DUSP18: variants seen among roughly 807,000 people sequenced by gnomAD.
DUSP18 encodes dual specificity protein phosphatase 18.
A neutral mutation model predicts 6.3 loss-of-function variants in DUSP18; 4 were observed. The observed-to-expected ratio is 0.63, with a 90% CI of 0.31 to 1.45. The LOEUF (loss-of-function observed/expected upper bound fraction) is 1.45, where lower values mean the gene tolerates loss of function less well. DUSP18 is among the 40% of genes most tolerant of loss of function. The probability of loss-of-function intolerance (pLI) is 0.07; values close to 1 mark genes in which losing one functional copy is unlikely to be tolerated. For missense variants in DUSP18, 235 were observed against 247.7 expected, an observed-to-expected ratio of 0.95 and a Z score of 0.34; for synonymous variants, 96 against 95.1, an observed-to-expected ratio of 1.01 and a Z score of -0.05.
At position 30,664,015 on chromosome 22, in the gene DUSP18, G is replaced by A; in HGVS notation, c.-12C>T. 5.6e-6 allele frequency: 9 copies of A among 1,606,474 alleles called. No individual in the cohort carries two copies. Among genetic ancestry groups the A allele is most frequent in the African/African-American group, 1.3e-5 (1 of 74,932 alleles). On this transcript the variant is annotated 5_prime_UTR_variant, in exon 2 of 2. Coordinates refer to ENST00000334679, the MANE Select transcript of DUSP18 (RefSeq NM_152511.5). Reference sequence around the variant, plus strand: ...GAGGGTGCTGTCATCAAGGCGGTGGGTCAGTGGTCAGCAGTCAGCGAAGCA... The same window carrying A: ...GAGGGTGCTGTCATCAAGGCGGTGGATCAGTGGTCAGCAGTCAGCGAAGCA...
At chr22:30,655,293 G>A (rs1478560271) in intron 2 of DUSP18, among the ~76,000 whole-genome samples, 2 of 141,474 alleles carry the variant, frequency 1.4e-5, no homozygotes, top group African/African-American at 5.1e-5. Context: ...CTGTCTCTAC[G>A]GAAAAAAAAA....
chr22:30,665,243 G>A (rs2088606044), intron 1 of DUSP18: 1 of 184,250 alleles, frequency 5.4e-6, no homozygotes, highest in South Asian at 9.5e-5. Flanking sequence ...CCAAAGTTTT[G>A]TTTCCCTGCT....
intron 2 of DUSP18, chr22:30,654,845 TA>T (rs1198807504): frequency 1.1e-5 from 2 of 185,542 alleles, no homozygotes; most frequent in Non-Finnish European, 2.2e-5. Context: ...AGGAGTTCCC[TA>T]TTTTTAGATG....
Position 30,663,325 on chromosome 22 carries a change from T to A in DUSP18, c.*112A>T, listed in dbSNP as rs1263806179. The A allele has an allele frequency of 1.1e-5, 12 of 1,061,304 alleles. No homozygotes were observed. Among genetic ancestry groups the A allele is most frequent in the Non-Finnish European group, 1.1e-5 (8 of 735,874 alleles). 65.7% of individuals were successfully genotyped at this position (1,061,304 alleles called of 1,614,324 possible). ...CTCTTTTTTGTGCTCATAAAAGGCA[T>A]CATCTGTTTTTTTCTGTATCAACAA... is the stretch of plus-strand genomic sequence containing the variant. On this transcript the variant is annotated 3_prime_UTR_variant, in exon 2 of 2. Coordinates refer to ENST00000334679, the MANE Select transcript of DUSP18 (RefSeq NM_152511.5).
At chr22:30,654,487 G>A in intron 2 of DUSP18, 1 of 431,456 alleles carries the variant, frequency 2.3e-6, no homozygotes, top group East Asian at 7.1e-5. Context: ...AGGGTGGTGG[G>A]ATGCCGTTAA....
At chr22:30,652,976 GTGAT>G (rs1445748001) in intron 2 of DUSP18, among the ~76,000 whole-genome samples, 2 of 152,212 alleles carry the variant, frequency 1.3e-5, no homozygotes, top group African/African-American at 2.4e-5. Flanking sequence ...TATTGAATGA[GTGAT>G]TGAGGACGTG....
At chr22:30,665,278 T>C (rs1378323816) in intron 1 of DUSP18, among the ~76,000 whole-genome samples, 1 of 152,242 alleles carries the variant, frequency 6.6e-6, no homozygotes, top group East Asian at 1.9e-4. Flanking sequence ...GGCTATCCAC[T>C]GTGAGGATAA....
At chr22:30,660,130 G>A (rs2088428053), downstream of DUSP18, among the ~76,000 whole-genome samples, 1 of 152,216 alleles carries the variant, frequency 6.6e-6, no homozygotes, top group African/African-American at 2.4e-5. Context: ...CGTATGAAAC[G>A]TGATTTGGAC....
chr22:30,665,517 A>G (rs758780059), intron 1 of DUSP18: 7 of 471,056 alleles, frequency 1.5e-5, no homozygotes, highest in Non-Finnish European at 3.1e-5. Context: ...CATTCAGCAG[A>G]GGACTGCAGA....
At chr22:30,655,872 C>A (rs1298468803) in intron 2 of DUSP18, among the ~76,000 whole-genome samples, 2 of 152,006 alleles carry the variant, frequency 1.3e-5, no homozygotes, top group African/African-American at 4.8e-5. Context: ...ACATTCCTCC[C>A]AAGCTCCTTC....
downstream of DUSP18, among the ~76,000 whole-genome samples, chr22:30,658,057 T>C (rs1602095036): frequency 1.3e-5 from 2 of 151,454 alleles, no homozygotes; most frequent in Admixed American, 6.6e-5. Context: ...CAGTGGGCGG[T>C]GATCACACCA....
At chr22:30,658,039 T>G (rs550775401), downstream of DUSP18, among the ~76,000 whole-genome samples, 31 of 151,564 alleles carry the variant, frequency 2.0e-4, no homozygotes, top group South Asian at 3.5e-3. Context: ...GCTGGGAGTT[T>G]GAGGCTGCAG....
At chr22:30,664,360 G>A (rs1329109969) in intron 1 of DUSP18, among the ~76,000 whole-genome samples, 3 of 152,228 alleles carry the variant, frequency 2.0e-5, no homozygotes, top group Non-Finnish European at 4.4e-5. Flanking sequence ...AAGTCCCCAA[G>A]TCTGGCACTT....
Position 30,663,686 on chromosome 22 carries a change from A to G in DUSP18, c.318T>C (p.Ala106=), listed in dbSNP as rs889237064. 6.2e-7 allele frequency: 1 copy of G among 1,614,254 alleles called. No homozygotes were observed. Among genetic ancestry groups the G allele is most frequent in the African/African-American group, 1.3e-5 (1 of 75,068 alleles). Residue 106 remains alanine, a synonymous_variant, in exon 2 of 2, where the codon GCT becomes GCC. Coordinates refer to ENST00000334679, the MANE Select transcript of DUSP18 (RefSeq NM_152511.5). ...ACAGGGCAGCTGAGCGGCTCACACC[A>G]GCAGCACAGTGCAGCAAAGTACGGC... ...KQGRTLLHCA[A]GVSRSAALCL...
At chr22:30,659,123 C>CAAAAAAAAA (rs35939188), downstream of DUSP18, among the ~76,000 whole-genome samples, 3 of 104,748 alleles carry the variant, frequency 2.9e-5, no homozygotes, top group Middle Eastern at 4.4e-3. Flanking sequence ...GACTCCATCT[C>CAAAAAAAAA]AAAAAAAAAA....
In DUSP18 at chr22:30,663,378, G is replaced by T; in HGVS notation, c.*59C>A. The T allele has an allele frequency of 6.7e-7, 1 of 1,488,548 alleles. No individual in the cohort carries two copies. The highest frequency in any genetic ancestry group is 9.1e-7 in the Non-Finnish European group (1 of 1,096,760). The allele number at this position is 1,488,548 out of a possible 1,614,324, so 92.2% of individuals were successfully genotyped here. A position where few individuals can be genotyped will look rare whatever the true frequency, so the allele number is the denominator to read the frequency against. The stretch of plus-strand genomic sequence containing the variant: ...GTAGAATGTTCAAGTTTGGATCTTG[G>T]TGTAAGATCAACAATAGATCTGTAC... On this transcript the variant is annotated 3_prime_UTR_variant, in exon 2 of 2. Transcript: ENST00000334679.
downstream of DUSP18, among the ~76,000 whole-genome samples, chr22:30,660,320 T>C (rs2088431966): frequency 6.6e-6 from 1 of 151,808 alleles, no homozygotes; most frequent in Non-Finnish European, 1.5e-5. Flanking sequence ...AATTTTTTTT[T>C]TGAAACACAG....
downstream of DUSP18, among the ~76,000 whole-genome samples, chr22:30,659,880 G>A (rs988204577): frequency 3.3e-5 from 5 of 152,186 alleles, no homozygotes; most frequent in African/African-American, 1.2e-4. Flanking sequence ...GTAACAGAAG[G>A]AAAAGTTAGA....
chr22:30,664,100 GT>G lies in DUSP18; in HGVS notation c.-77-21del. On this transcript the variant is annotated intron_variant, in intron 1 of 1. Transcript: ENST00000334679. ...GGAAAACTGCAGAGAGGGAGAGGAT[GT>G]TTAGAGGGCAGGTGCCCAGAGGGCC... 8.5e-7 allele frequency: 1 copy of G among 1,169,622 alleles called. No individual in the cohort carries two copies. The highest frequency in any genetic ancestry group is 1.2e-6 in the Non-Finnish European group (1 of 827,342). 72.5% of individuals were successfully genotyped at this position (1,169,622 alleles called of 1,614,324 possible). A position where few individuals can be genotyped will look rare whatever the true frequency, so the allele number is the denominator to read the frequency against.
Sources: gnomAD v4.1 joint callset for allele counts (sites outside exome capture counted in the v4.1 genomes callset) on GRCh38, gnomAD v4.1.1 for gene constraint, MANE v1.5 for transcripts, NCBI Gene and HGNC (gene_info 2026-07-23, HGNC 2026-07-21) for gene names.